FBRSL1: variants seen among roughly 807,000 people sequenced by gnomAD.
FBRSL1 encodes the protein fibrosin-1-like protein.
Under a neutral mutation model 89.6 loss-of-function variants are expected in FBRSL1, and 51 were observed. The ratio of observed to expected loss-of-function variants is 0.57; its 90% CI spans 0.45 to 0.72. The LOEUF (loss-of-function observed/expected upper bound fraction) is 0.72. Ranked by LOEUF, FBRSL1 falls within the 30% of genes least tolerant of loss-of-function variation. FBRSL1 has a pLI of 0.00. For missense variants in FBRSL1, 1,618 were observed against 1,451.8 expected, an observed-to-expected ratio of 1.11 and a Z score of -1.86; for synonymous variants, 779 against 681.1, an observed-to-expected ratio of 1.14 and a Z score of -2.24.
rs2040818376 is a variant in FBRSL1 at position 132,582,325 on chromosome 12, C to A, written c.2201+59C>A. On this transcript the variant is annotated intron_variant, in intron 18 of 18. Transcript: ENST00000680143. ...ACACCCCTACCCCGTTCTTTCCCCC[C>A]TCCCGTCATCCCCGGTTCCCCCTCC... is the stretch of plus-strand genomic sequence containing the variant. 3.5e-6 allele frequency: 5 copies of A among 1,431,660 alleles called. No homozygotes were observed. The South Asian group carries it at 5.1e-5, about 15-fold the overall frequency. The allele number at this position is 1,431,660 out of a possible 1,614,324, so 88.7% of individuals were successfully genotyped here.
At chr12:132,557,784 A>C (rs962078534) in intron 5 of FBRSL1, among the ~76,000 whole-genome samples, 15 of 152,094 alleles carry the variant, frequency 9.9e-5, no homozygotes, top group African/African-American at 3.6e-4. Context: ...TCCAGTCAGC[A>C]GGGAGAGTGG....
At chr12:132,528,762 G>A (rs113314940) in intron 4 of FBRSL1, among the ~76,000 whole-genome samples, 1 of 150,944 alleles carries the variant, frequency 6.6e-6, no homozygotes, top group Non-Finnish European at 1.5e-5. Context: ...TGTGTTTCAG[G>A]GTGTGCCCGG....
chr12:132,581,054 G>A, intron 15 of FBRSL1: 2 of 985,358 alleles, frequency 2.0e-6, no homozygotes, highest in Non-Finnish European at 2.4e-6. Context: ...TAAGAAGTGA[G>A]GACCATCTAT....
chr12:132,506,611 C>T (rs2033718574), intron 1 of FBRSL1, among the ~76,000 whole-genome samples: 3 of 152,282 alleles, frequency 2.0e-5, no homozygotes, highest in African/African-American at 7.2e-5. Flanking sequence ...CAGCCGTTCT[C>T]TGGGCTGCAG....
intron 5 of FBRSL1, among the ~76,000 whole-genome samples, chr12:132,562,435 T>G (rs1344362540): frequency 6.6e-6 from 1 of 152,084 alleles, no homozygotes; most frequent in African/African-American, 2.4e-5. Flanking sequence ...CCGGCCCCTG[T>G]GTGGTTGAGC....
intron 5 of FBRSL1, among the ~76,000 whole-genome samples, chr12:132,556,142 C>T (rs2038614924): frequency 6.6e-6 from 1 of 152,196 alleles, no homozygotes; most frequent in Admixed American, 6.5e-5. Flanking sequence ...TGAGCAGCAT[C>T]TGAACATCCC....
chr12:132,548,301 G>T (rs1180315835), intron 5 of FBRSL1, among the ~76,000 whole-genome samples: 2 of 152,148 alleles, frequency 1.3e-5, no homozygotes, highest in Admixed American at 1.3e-4. Context: ...CAGCCAGGAG[G>T]GTGCCCTGGG....
In FBRSL1 at chr12:132,490,840, C is replaced by T; in HGVS notation, c.270C>T (p.Phe90=). 8 of 1,417,842 alleles carry T rather than the reference C, an allele frequency of 5.6e-6. No homozygotes were observed. The highest frequency in any genetic ancestry group is 1.5e-5 in the African/African-American group (1 of 67,022). 87.8% of individuals were successfully genotyped at this position (1,417,842 alleles called of 1,614,324 possible). Residue 90 remains phenylalanine (F), a synonymous_variant, in exon 1 of 19, where the codon TTC becomes TTT. Coordinates refer to ENST00000680143, the MANE Select transcript of FBRSL1 (RefSeq NM_001367871.1). The stretch of plus-strand genomic sequence containing the variant: ...TCGACGGCTTCGCCATCGCCAGCTT[C>T]AGCACCCTGGAGGCCCTGGAGGTAG... The part of the protein sequence containing the change: ...EVIDGFAIAS[F]STLEALEKDM...
At chr12:132,511,263 C>T (rs528234877) in intron 2 of FBRSL1, 58 of 985,350 alleles carry the variant, frequency 5.9e-5, no homozygotes, top group African/African-American at 5.2e-5. Flanking sequence ...GGTCTCCAGG[C>T]GAGGGGGACC....
At chr12:132,516,896 C>T (rs555883559) in intron 2 of FBRSL1, among the ~76,000 whole-genome samples, 9 of 152,142 alleles carry the variant, frequency 5.9e-5, no homozygotes, top group East Asian at 5.8e-4. Context: ...CATTTGTTTT[C>T]GGGTTGTTGA....
chr12:132,510,375 C>A, intron 2 of FBRSL1: 2 of 1,231,832 alleles, frequency 1.6e-6, no homozygotes, highest in Non-Finnish European at 2.0e-6. Flanking sequence ...CCGGCCCCTG[C>A]GGTCCCGGTG....
intron 15 of FBRSL1, among the ~76,000 whole-genome samples, chr12:132,579,080 G>A (rs1228919175): frequency 6.6e-6 from 1 of 151,978 alleles, no homozygotes; most frequent in Non-Finnish European, 1.5e-5. Context: ...GATACCTGGT[G>A]GCTGTCCCTC....
intron 4 of FBRSL1, among the ~76,000 whole-genome samples, chr12:132,537,467 A>T (rs967218711): frequency 6.6e-6 from 1 of 152,196 alleles, no homozygotes; most frequent in Non-Finnish European, 1.5e-5. Flanking sequence ...AGGGCGTCGC[A>T]GTGCAAATGC....
At chr12:132,578,766 TC>T (rs1216798685) in intron 15 of FBRSL1, among the ~76,000 whole-genome samples, 4 of 151,318 alleles carry the variant, frequency 2.6e-5, no homozygotes, top group African/African-American at 9.7e-5. Flanking sequence ...TCTTCCATGT[TC>T]ATGAGCATTT....
At chr12:132,531,898 A>G (rs921166283) in intron 4 of FBRSL1, among the ~76,000 whole-genome samples, 4 of 152,328 alleles carry the variant, frequency 2.6e-5, no homozygotes, top group Admixed American at 6.5e-5. Context: ...AGCCCCAGCT[A>G]TTGCTCATCC....
In FBRSL1 at chr12:132,572,268, C is replaced by T; in HGVS notation, c.1378-20C>T. ...GGTGTCGTGTGTGCGGGGCCTCACC[C>T]TCCTCTCCTTCCCTTCCAGTTTGAC... On this transcript the variant is annotated intron_variant, in intron 9 of 18. Transcript: ENST00000680143. 1.9e-6 allele frequency: 3 copies of T among 1,550,386 alleles called. No homozygotes were observed. Among genetic ancestry groups the T allele is most frequent in the Non-Finnish European group, 2.6e-6 (3 of 1,146,388 alleles).
rs1566261539 is a variant in FBRSL1 at position 132,583,998 on chromosome 12, C to G, written c.*220C>G. On this transcript the variant is annotated 3_prime_UTR_variant, in exon 19 of 19. Coordinates refer to ENST00000680143, the MANE Select transcript of FBRSL1 (RefSeq NM_001367871.1). The stretch of plus-strand genomic sequence containing the variant: ...TGGGAAAAAAAAATCGCGTTTGTAC[C>G]TTTTCCCCCCACAGATGAGAAGTGT... The G allele has an allele frequency of 3.8e-6, 1 of 261,472 alleles. No homozygotes were observed. Among genetic ancestry groups the G allele is most frequent in the African/African-American group, 2.3e-5 (1 of 44,346 alleles). The allele number at this position is 261,472 out of a possible 1,614,324, so 16.2% of individuals were successfully genotyped here. A position where few individuals can be genotyped will look rare whatever the true frequency, so the allele number is the denominator to read the frequency against.
At position 132,490,483 on chromosome 12, in the gene FBRSL1, G is replaced by A. The variant is rs910334878; in HGVS notation, c.-88G>A. 2.2e-6 allele frequency: 2 copies of A among 903,092 alleles called. No individual in the cohort carries two copies. The highest frequency in any genetic ancestry group is 3.7e-5 in the African/African-American group (2 of 54,506). The allele number at this position is 903,092 out of a possible 1,614,324, so 55.9% of individuals were successfully genotyped here. A position where few individuals can be genotyped will look rare whatever the true frequency, so the allele number is the denominator to read the frequency against. ...GCCCGCGCGGCGCACACTCAGCCCG[G>A]CGGCGCCGCGTAGCCGAGGGAGCCC... On this transcript the variant is annotated 5_prime_UTR_variant, in exon 1 of 19. Coordinates refer to ENST00000680143, the MANE Select transcript of FBRSL1 (RefSeq NM_001367871.1).
At chr12:132,568,795 C>T (rs2137832120) in intron 6 of FBRSL1, among the ~76,000 whole-genome samples, 1 of 152,256 alleles carries the variant, frequency 6.6e-6, no homozygotes, top group South Asian at 2.1e-4. Flanking sequence ...GTCCTCCGCG[C>T]AGCCTCTCTG....
Sources: gnomAD v4.1 joint callset for allele counts (sites outside exome capture counted in the v4.1 genomes callset) on GRCh38, gnomAD v4.1.1 for gene constraint, MANE v1.5 for transcripts, NCBI Gene and HGNC (gene_info 2026-07-23, HGNC 2026-07-21) for gene names.